RALYL: variants seen among roughly 807,000 people sequenced by gnomAD.
RALYL encodes RNA-binding Raly-like protein.
RALYL carries 29 observed loss-of-function variants against 35.1 expected under a neutral mutation model. The observed-to-expected ratio is 0.83, with a 90% CI of 0.61 to 1.13. The LOEUF (loss-of-function observed/expected upper bound fraction) is 1.13. RALYL is among the 50% of genes most tolerant of loss of function. RALYL has a pLI of 0.00. For synonymous variants in RALYL, 120 were observed against 127.6 expected (o/e 0.94, Z 0.40); for missense variants, 359 against 360.4 (o/e 1.00, Z 0.03).
intron 1 of RALYL, among the ~76,000 whole-genome samples, chr8:84,294,846 C>T (rs1022426168): frequency 4.6e-5 from 7 of 151,844 alleles, no homozygotes; most frequent in Non-Finnish European, 8.8e-5. Context: ...AGGTGGGCAA[C>T]CTAGAATGGG....
intron 2 of RALYL, among the ~76,000 whole-genome samples, chr8:84,666,362 A>C (rs538714382): frequency 6.6e-6 from 1 of 152,170 alleles, no homozygotes; most frequent in African/African-American, 2.4e-5. Context: ...ATGTGCACAC[A>C]CATGTATACA....
chr8:84,219,318 C>T (rs1821610635), intron 1 of RALYL, among the ~76,000 whole-genome samples: 1 of 151,982 alleles, frequency 6.6e-6, no homozygotes, highest in African/African-American at 2.4e-5. Flanking sequence ...CATTCTCCTT[C>T]CTCCCTCCTT....
At chr8:84,784,518 A>G (rs1051859197) in intron 3 of RALYL, among the ~76,000 whole-genome samples, 4 of 152,226 alleles carry the variant, frequency 2.6e-5, no homozygotes, top group Admixed American at 1.3e-4. Flanking sequence ...GTTTGAAAAT[A>G]CTTATTACAA....
intron 1 of RALYL, among the ~76,000 whole-genome samples, chr8:84,400,694 A>T (rs1416239175): frequency 1.3e-4 from 20 of 152,156 alleles, no homozygotes; most frequent in Admixed American, 1.3e-3. Flanking sequence ...GATGAAGTGC[A>T]TGTAAATTTT....
At chr8:84,607,995 T>C (rs1227397425) in intron 2 of RALYL, among the ~76,000 whole-genome samples, 1 of 151,998 alleles carries the variant, frequency 6.6e-6, no homozygotes, top group African/African-American at 2.4e-5. Flanking sequence ...GAGTACTCAG[T>C]CAATTGCTGT....
intron 1 of RALYL, among the ~76,000 whole-genome samples, chr8:84,207,873 A>G (rs1395468050): frequency 2.0e-5 from 3 of 151,616 alleles, no homozygotes; most frequent in East Asian, 1.9e-4. Flanking sequence ...ACATGTATAC[A>G]ATTTTTATGT....
chr8:84,671,794 A>G lies in RALYL; in HGVS notation c.257-102785A>G, dbSNP rs113218936. Among the ~76,000 whole-genome samples, 1,209 of 152,264 alleles carry G rather than the reference A, an allele frequency of 7.9e-3. 15 individuals carry two copies. The highest frequency in any genetic ancestry group is 0.027 in the African/African-American group (1,122 of 41,560). On this transcript the variant is annotated intron_variant, in intron 2 of 8. Transcript: ENST00000521268. ...TCTAGGCCTCTGGGCCTGTGATGGG[A>G]GGGGCTGCTGGAAGGTCTTTGACAT...
At chr8:84,862,587 A>G in intron 6 of RALYL, 134 bp downstream of exon 6, 1 of 688,596 alleles carries the variant, frequency 1.5e-6, no homozygotes. Flanking sequence ...AGAAAATCAT[A>G]AGATGGATAA....
intron 1 of RALYL, among the ~76,000 whole-genome samples, chr8:84,390,577 G>C (rs1033032277): frequency 7.2e-5 from 11 of 152,102 alleles, no homozygotes; most frequent in Non-Finnish European, 1.0e-4. Flanking sequence ...TTGGGAGACT[G>C]TATGTGTCGA....
chr8:84,537,385 A>G (rs1342457410), intron 2 of RALYL, among the ~76,000 whole-genome samples: 1 of 150,840 alleles, frequency 6.6e-6, no homozygotes, highest in East Asian at 2.0e-4. Context: ...TGGGAGAATC[A>G]CCTGAGCCCG....
rs560332765 is a variant in RALYL at position 84,300,257 on chromosome 8, T to C, written c.-24+115833T>C. ...TGTAATTGTATGGTTTTAAGCAATC[T>C]TCATAGTACTGACTTCTATTTTTGT... On this transcript the variant is annotated intron_variant, in intron 1 of 8. Transcript: ENST00000521268. Among the ~76,000 whole-genome samples, 5 of 152,202 alleles carry C rather than the reference T, an allele frequency of 3.3e-5. No individual in the cohort carries two copies. The South Asian group carries it at 1.0e-3, about 32-fold the overall frequency.
intron 2 of RALYL, among the ~76,000 whole-genome samples, chr8:84,716,252 T>C (rs1004480608): frequency 7.2e-6 from 1 of 139,788 alleles, no homozygotes; most frequent in Non-Finnish European, 1.6e-5. Context: ...CCTTTTTTCT[T>C]CCCACACTTA....
In RALYL at chr8:84,492,960, T is replaced by TTC. The variant is rs2055517737; in HGVS notation, c.-23-36339_-23-36338insTC. 1.4e-4 allele frequency among the ~76,000 whole-genome samples: 21 copies of TTC among 152,232 alleles called. 2 individuals carry two copies. In the South Asian group the frequency reaches 4.1e-3, roughly 30 times the overall value. ...GATACATGTGCAGAATGTGCAGGTT[T>TTC]GTTACATACGTATACGTGTACCATG... On this transcript the variant is annotated intron_variant, in intron 1 of 8. Transcript: ENST00000521268.
intron 4 of RALYL, among the ~76,000 whole-genome samples, chr8:84,832,938 C>T (rs1456910996): frequency 6.6e-6 from 1 of 152,082 alleles, no homozygotes; most frequent in Non-Finnish European, 1.5e-5. Flanking sequence ...TTAAATTTAG[C>T]AGTAACATTC....
rs183662561 is a variant in RALYL, at chr8:84,528,983, T to C, written c.-23-316T>C. Among the ~76,000 whole-genome samples the C allele has an allele frequency of 5.2e-3, 799 of 152,272 alleles. 6 individuals are homozygous for C. The highest frequency in any genetic ancestry group is 0.021 in the South Asian group (100 of 4,824). ...GCTGTTGATAGAATAAGGCAGATTT[T>C]CCTCAAACTTTCTTTTGCAAAATAG... On this transcript the variant is annotated intron_variant, in intron 1 of 8. Transcript: ENST00000521268.
At chr8:84,867,036 T>C (rs1320097058) in intron 6 of RALYL, among the ~76,000 whole-genome samples, 2 of 152,172 alleles carry the variant, frequency 1.3e-5, no homozygotes, top group Non-Finnish European at 2.9e-5. Context: ...TGATGGAGGC[T>C]GAAAGTTGGA....
intron 2 of RALYL, among the ~76,000 whole-genome samples, chr8:84,633,717 C>A (rs1824426652): frequency 6.6e-6 from 1 of 151,724 alleles, no homozygotes; most frequent in South Asian, 2.1e-4. Flanking sequence ...TGTATATATG[C>A]AAACTGTATG....
chr8:84,790,857 G>A (rs1443353128), intron 3 of RALYL, among the ~76,000 whole-genome samples: 1 of 152,184 alleles, frequency 6.6e-6, no homozygotes, highest in African/African-American at 2.4e-5. Flanking sequence ...TTGAACAGTT[G>A]ACCACCTTTG....
At chr8:84,187,921 T>C (rs1323628673) in intron 1 of RALYL, among the ~76,000 whole-genome samples, 1 of 152,018 alleles carries the variant, frequency 6.6e-6, no homozygotes, top group Non-Finnish European at 1.5e-5. Flanking sequence ...AGCAGGGCAT[T>C]CATTGATATA....
Sources: allele counts gnomAD v4.1 joint callset (sites outside exome capture counted in the v4.1 genomes callset), GRCh38; gene constraint gnomAD v4.1.1; transcripts MANE v1.5; gene names NCBI Gene and HGNC (gene_info 2026-07-23, HGNC 2026-07-21).